Variants in PGP observed in about 807,000 individuals in gnomAD.
PGP encodes aspartate-based ubiquitous Mg(2+)-dependent phosphatase.
In PGP, 9 loss-of-function variants were observed where a neutral mutation model predicts 19.3. That is an observed-to-expected ratio of 0.47 (90% CI 0.28 to 0.81). The LOEUF (loss-of-function observed/expected upper bound fraction) is 0.81. Ranked by LOEUF, PGP falls within the 40% of genes least tolerant of loss-of-function variation. The pLI, the probability that PGP is intolerant of heterozygous loss-of-function variation, is 0.11. For missense variants in PGP, 403 were observed against 479.9 expected, an observed-to-expected ratio of 0.84 and a Z score of 1.50; for synonymous variants, 308 against 226.8, an observed-to-expected ratio of 1.36 and a Z score of -3.22.
In PGP at chr16:2,214,505, C is replaced by G. The variant is rs1317051459; in HGVS notation, c.273G>C (p.Gly91=). 5 of 1,419,846 alleles carry G rather than the reference C, an allele frequency of 3.5e-6. No homozygotes were observed. The East Asian group carries it at 1.5e-4, about 43-fold the overall frequency. The allele number at this position is 1,419,846 out of a possible 1,614,324, so 88.0% of individuals were successfully genotyped here. Reference sequence around the variant, plus strand: ...CGAAGACCTCCAGGCTGGCGCCGGGCCCCGCGGGGCCGCCGAAGCCCAGGC... The same window carrying G: ...CGAAGACCTCCAGGCTGGCGCCGGGGCCCGCGGGGCCGCCGAAGCCCAGGC... ...LRRLGFGGPA[G]PGASLEVFGT... Residue 91 remains glycine (G), a synonymous_variant, in exon 1 of 2, where the codon GGG becomes GGC. Coordinates refer to ENST00000333503, the MANE Select transcript of PGP (RefSeq NM_001042371.3). The surrounding 1 kb of genome is among the most constrained non-coding windows in gnomAD (Gnocchi z 7.1).
At position 2,214,301 on chromosome 16, in the gene PGP, C is replaced by G. The variant is rs2141406804; in HGVS notation, c.477G>C (p.Ala159=). The G allele has an allele frequency of 6.4e-7, 1 of 1,555,560 alleles. No individual in the cohort carries two copies. The highest frequency in any genetic ancestry group is 8.6e-7 in the Non-Finnish European group (1 of 1,158,932). The change falls in exon 1 of 2, where the codon GCG becomes GCC. Residue 159 remains alanine (A), a synonymous_variant. Coordinates refer to ENST00000333503, the MANE Select transcript of PGP (RefSeq NM_001042371.3). This position sits in a 1 kb window ranked among gnomAD's most constrained non-coding sequence, Gnocchi z 7.1. ...CCGCGCGCACGTCGGGCTCCAGCGGCGCGTGCAGCCAGTCGCCGGGACCCT... is the reference window on the plus strand; with the variant it reads ...CCGCGCGCACGTCGGGCTCCAGCGGGGCGTGCAGCCAGTCGCCGGGACCCT... ...QGEGPGDWLH[A]PLEPDVRAVV...
rs1366592165 is a variant in PGP at position 2,214,069 on chromosome 16, G to T, written c.641-16C>A. The T allele has an allele frequency of 6.3e-7, 1 of 1,598,378 alleles. No individual in the cohort carries two copies. On this transcript the variant is annotated splice_polypyrimidine_tract_variant and intron_variant, in intron 1 of 1. Coordinates refer to ENST00000333503, the MANE Select transcript of PGP (RefSeq NM_001042371.3). This position sits in a 1 kb window ranked among gnomAD's most constrained non-coding sequence, Gnocchi z 7.1. ...CACCCGGTACCTGCGGGGCACAGGGGACCGGGTCAAAGGGCAGGGAGGGGG... is the reference window on the plus strand; with the variant it reads ...CACCCGGTACCTGCGGGGCACAGGGTACCGGGTCAAAGGGCAGGGAGGGGG...
Position 2,213,204 on chromosome 16 carries a change from T to C in PGP, c.*524A>G. ...CACCCAAGGGCAGGGAGATGCCACC[T>C]GGGAGCAGCCGCCTCCTCCACTCCC... On this transcript the variant is annotated 3_prime_UTR_variant, in exon 2 of 2. Coordinates refer to ENST00000333503, the MANE Select transcript of PGP (RefSeq NM_001042371.3). 1.0e-6 allele frequency: 1 copy of C among 985,662 alleles called. No homozygotes were observed. The highest frequency in any genetic ancestry group is 1.7e-5 in the African/African-American group (1 of 57,362). 61.1% of individuals were successfully genotyped at this position (985,662 alleles called of 1,614,324 possible). A position where few individuals can be genotyped will look rare whatever the true frequency, so the allele number is the denominator to read the frequency against.
rs2141405412 is a variant in PGP, at chr16:2,213,440, G to A, written c.*288C>T. 1 of 890,968 alleles carries A rather than the reference G, an allele frequency of 1.1e-6. No individual in the cohort carries two copies. The highest frequency in any genetic ancestry group is 1.4e-6 in the Non-Finnish European group (1 of 705,534). 55.2% of individuals were successfully genotyped at this position (890,968 alleles called of 1,614,324 possible). ...TCCCATCGGCAGGCCCTGGTTACCT[G>A]AATCCCGGACAGGTGCAGAGCCTGC... On this transcript the variant is annotated 3_prime_UTR_variant, in exon 2 of 2. Coordinates refer to ENST00000333503, the MANE Select transcript of PGP (RefSeq NM_001042371.3).
At position 2,211,800 on chromosome 16, in the gene PGP, C is replaced by T. The variant is rs1237811913; in HGVS notation, c.*1928G>A. 4 of 985,512 alleles carry T rather than the reference C, an allele frequency of 4.1e-6. No individual in the cohort carries two copies. The African/African-American group carries it at 7.0e-5, about 17-fold the overall frequency. The allele number at this position is 985,512 out of a possible 1,614,324, so 61.0% of individuals were successfully genotyped here. A position where few individuals can be genotyped will look rare whatever the true frequency, so the allele number is the denominator to read the frequency against. ...AGCTTCACTCCAGGGCCCTTTGCTTCCCTGGCTTCCCTTTGTGCCTGGCTT... is the reference window on the plus strand; with the variant it reads ...AGCTTCACTCCAGGGCCCTTTGCTTTCCTGGCTTCCCTTTGTGCCTGGCTT... On this transcript the variant is annotated 3_prime_UTR_variant, in exon 2 of 2. Coordinates refer to ENST00000333503, the MANE Select transcript of PGP (RefSeq NM_001042371.3).
In PGP at chr16:2,214,790, G is replaced by C. The variant is rs1329721832; in HGVS notation, c.-13C>G. On this transcript the variant is annotated 5_prime_UTR_variant, in exon 1 of 2. Transcript: ENST00000333503. The surrounding 1 kb of genome is among the most constrained non-coding windows in gnomAD (Gnocchi z 7.1). ...CCGCCGCCGCCATCGCCGCCCGCCG[G>C]CCGCCGCCGCCCGCCGGCCGCTCCT... The C allele has an allele frequency of 2.2e-6, 2 of 914,540 alleles. No individual in the cohort carries two copies. Among genetic ancestry groups the C allele is most frequent in the Non-Finnish European group, 2.6e-6 (2 of 765,730 alleles). 56.7% of individuals were successfully genotyped at this position (914,540 alleles called of 1,614,324 possible).
In PGP at chr16:2,212,745, T is replaced by C. The variant is rs1178741123; in HGVS notation, c.*983A>G. 5 of 985,276 alleles carry C rather than the reference T, an allele frequency of 5.1e-6. No homozygotes were observed. The highest frequency in any genetic ancestry group is 6.0e-6 in the Non-Finnish European group (5 of 829,896). The allele number at this position is 985,276 out of a possible 1,614,324, so 61.0% of individuals were successfully genotyped here. A position where few individuals can be genotyped will look rare whatever the true frequency, so the allele number is the denominator to read the frequency against. ...TGGCCAACACATGCTTGAGCCGCGC[T>C]GCTGGCTGCAGGGCACCTGGATGAC... On this transcript the variant is annotated 3_prime_UTR_variant, in exon 2 of 2. Coordinates refer to ENST00000333503, the MANE Select transcript of PGP (RefSeq NM_001042371.3).
Position 2,213,819 on chromosome 16 carries a change from T to G in PGP, c.875A>C (p.Asn292Thr). ...CTTAGACACGCAGTCACTTTCCTGA[T>G]TATTCTTCACATCCCCTAGAGTGGA... ...GVSTLGDVKN[N>T]QESDCVSKKK... The change falls in exon 2 of 2, where the codon AAT becomes ACT. Residue 292 changes from asparagine to threonine, a missense_variant. Physicochemically the swap from Asn to Thr is moderately conservative, Grantham distance 65. Coordinates refer to ENST00000333503, the MANE Select transcript of PGP (RefSeq NM_001042371.3). 1.9e-6 allele frequency: 3 copies of G among 1,607,418 alleles called. No individual in the cohort carries two copies. Among genetic ancestry groups the G allele is most frequent in the Non-Finnish European group, 2.6e-6 (3 of 1,174,710 alleles).
Position 2,211,770 on chromosome 16 carries a change from C to T in PGP, c.*1958G>A, listed in dbSNP as rs2093376003. 1 of 985,468 alleles carries T rather than the reference C, an allele frequency of 1.0e-6. No homozygotes were observed. The allele number at this position is 985,468 out of a possible 1,614,324, so 61.0% of individuals were successfully genotyped here. A position where few individuals can be genotyped will look rare whatever the true frequency, so the allele number is the denominator to read the frequency against. On this transcript the variant is annotated 3_prime_UTR_variant, in exon 2 of 2. Transcript: ENST00000333503. The stretch of plus-strand genomic sequence containing the variant: ...GCCCTGGGCGCTCTGACACGGCAGC[C>T]CACCAGCTTCACTCCAGGGCCCTTT...
At position 2,212,742 on chromosome 16, in the gene PGP, C is replaced by A. The variant is rs1251915485; in HGVS notation, c.*986G>T. ...CCTTGGCCAACACATGCTTGAGCCG[C>A]GCTGCTGGCTGCAGGGCACCTGGAT... On this transcript the variant is annotated 3_prime_UTR_variant, in exon 2 of 2. Transcript: ENST00000333503. 2.0e-6 allele frequency: 2 copies of A among 985,438 alleles called. No individual in the cohort carries two copies. The highest frequency in any genetic ancestry group is 2.4e-6 in the Non-Finnish European group (2 of 829,898). 61.0% of individuals were successfully genotyped at this position (985,438 alleles called of 1,614,324 possible). A position where few individuals can be genotyped will look rare whatever the true frequency, so the allele number is the denominator to read the frequency against.
rs2093377734 is a variant in PGP, at chr16:2,212,399, G to C, written c.*1329C>G. On this transcript the variant is annotated 3_prime_UTR_variant, in exon 2 of 2. Coordinates refer to ENST00000333503, the MANE Select transcript of PGP (RefSeq NM_001042371.3). ...AAAGGCGCTGGTAGGGAGCCAGCCA[G>C]AAGGTGCAGCATCCCGGGATGGCCC... 1.0e-6 allele frequency: 1 copy of C among 985,952 alleles called. No homozygotes were observed. Among genetic ancestry groups the C allele is most frequent in the Non-Finnish European group, 1.2e-6 (1 of 830,164 alleles). 61.1% of individuals were successfully genotyped at this position (985,952 alleles called of 1,614,324 possible). A position where few individuals can be genotyped will look rare whatever the true frequency, so the allele number is the denominator to read the frequency against.
At position 2,213,833 on chromosome 16, in the gene PGP, C is replaced by G; in HGVS notation, c.861G>C (p.Gly287=). 1 of 1,611,538 alleles carries G rather than the reference C, an allele frequency of 6.2e-7. No homozygotes were observed. Among genetic ancestry groups the G allele is most frequent in the East Asian group, 2.2e-5 (1 of 44,780 alleles). The change falls in exon 2 of 2, where the codon GGG becomes GGC. Residue 287 remains glycine, a synonymous_variant. Coordinates refer to ENST00000333503, the MANE Select transcript of PGP (RefSeq NM_001042371.3). The part of the protein sequence containing the change: ...ILTLTGVSTL[G]DVKNNQESDC... ...CACTTTCCTGATTATTCTTCACATC[C>G]CCTAGAGTGGAGACTCCGGTGAGGG...
rs1430642355 is a variant in PGP at position 2,214,602 on chromosome 16, C to T, written c.176G>A (p.Arg59His). ...APEALRALRA[R>H]GKRLGFITNN... ...GGTGATGAAGCCCAGGCGCTTGCCG[C>T]GGGCTCGCAGCGCCCGCAGGGCCTC... is the stretch of plus-strand genomic sequence containing the variant. The change falls in exon 1 of 2, where the codon CGC becomes CAC. Residue 59 changes from arginine (R) to histidine (H), a missense_variant. Coordinates refer to ENST00000333503, the MANE Select transcript of PGP (RefSeq NM_001042371.3). This position sits in a 1 kb window ranked among gnomAD's most constrained non-coding sequence, Gnocchi z 7.1. 8 of 1,465,796 alleles carry T rather than the reference C, an allele frequency of 5.5e-6. No homozygotes were observed. The highest frequency in any genetic ancestry group is 4.4e-5 in the African/African-American group (3 of 67,888). The allele number at this position is 1,465,796 out of a possible 1,614,324, so 90.8% of individuals were successfully genotyped here.
Position 2,214,624 on chromosome 16 carries a change from C to A in PGP, c.154G>T (p.Ala52Ser). ...GETAVPGAPE[A>S]LRALRARGKR... ...CCGCGGGCTCGCAGCGCCCGCAGGG[C>A]CTCGGGCGCGCCAGGCACGGCGGTC... is the stretch of plus-strand genomic sequence containing the variant. The change falls in exon 1 of 2, where the codon GCC becomes TCC. Residue 52 changes from alanine to serine, a missense_variant. By Grantham distance (99) the Ala-to-Ser change is moderately conservative (BLOSUM62 1). Transcript: ENST00000333503. This position sits in a 1 kb window ranked among gnomAD's most constrained non-coding sequence, Gnocchi z 7.1. 6.9e-7 allele frequency: 1 copy of A among 1,451,172 alleles called. No homozygotes were observed. Among genetic ancestry groups the A allele is most frequent in the African/African-American group, 1.5e-5 (1 of 67,636 alleles). 89.9% of individuals were successfully genotyped at this position (1,451,172 alleles called of 1,614,324 possible).
Position 2,213,322 on chromosome 16 carries a change from C to T in PGP, c.*406G>A, listed in dbSNP as rs2093380076. On this transcript the variant is annotated 3_prime_UTR_variant, in exon 2 of 2. Coordinates refer to ENST00000333503, the MANE Select transcript of PGP (RefSeq NM_001042371.3). ...GTCCATGCAAGCCTCTCCCAACAGT[C>T]AGAATAATCAGTCCCTCTGCCCCCT... is the stretch of plus-strand genomic sequence containing the variant. The T allele has an allele frequency of 1.0e-6, 1 of 989,436 alleles. No individual in the cohort carries two copies. Among genetic ancestry groups the T allele is most frequent in the Non-Finnish European group, 1.2e-6 (1 of 832,460 alleles). 61.3% of individuals were successfully genotyped at this position (989,436 alleles called of 1,614,324 possible).
At position 2,213,572 on chromosome 16, in the gene PGP, T is replaced by C. The variant is rs1220804921; in HGVS notation, c.*156A>G. 1.2e-5 allele frequency: 9 copies of C among 740,860 alleles called. No individual in the cohort carries two copies. Among genetic ancestry groups the C allele is most frequent in the Non-Finnish European group, 1.4e-5 (7 of 505,660 alleles). 45.9% of individuals were successfully genotyped at this position (740,860 alleles called of 1,614,324 possible). A position where few individuals can be genotyped will look rare whatever the true frequency, so the allele number is the denominator to read the frequency against. On this transcript the variant is annotated 3_prime_UTR_variant, in exon 2 of 2. Coordinates refer to ENST00000333503, the MANE Select transcript of PGP (RefSeq NM_001042371.3). ...TGTAAACAAAATCGTCCCCCAAACGTGTACTTACAAGGTTAACAATGAATG... is the reference window on the plus strand; with the variant it reads ...TGTAAACAAAATCGTCCCCCAAACGCGTACTTACAAGGTTAACAATGAATG...
rs1217841868 is a variant in PGP at position 2,212,544 on chromosome 16, GAA to G, written c.*1182_*1183del. The G allele has an allele frequency of 2.0e-6, 2 of 985,424 alleles. No individual in the cohort carries two copies. Among genetic ancestry groups the G allele is most frequent in the Non-Finnish European group, 2.4e-6 (2 of 829,984 alleles). The allele number at this position is 985,424 out of a possible 1,614,324, so 61.0% of individuals were successfully genotyped here. A position where few individuals can be genotyped will look rare whatever the true frequency, so the allele number is the denominator to read the frequency against. ...GCCCTGCCAAGTCCTGCTGGCCACT[GAA>G]GAGGGAATCCAGGGCAAGGCAGGTG... On this transcript the variant is annotated 3_prime_UTR_variant, in exon 2 of 2. Coordinates refer to ENST00000333503, the MANE Select transcript of PGP (RefSeq NM_001042371.3).
In PGP at chr16:2,213,833, C is replaced by T. The variant is rs1224928156; in HGVS notation, c.861G>A (p.Gly287=). 1.9e-6 allele frequency: 3 copies of T among 1,611,420 alleles called. No homozygotes were observed. Among genetic ancestry groups the T allele is most frequent in the Middle Eastern group, 1.6e-4 (1 of 6,078 alleles). Residue 287 remains glycine (G), a synonymous_variant, in exon 2 of 2, where the codon GGG becomes GGA. Transcript: ENST00000333503. ...ILTLTGVSTL[G]DVKNNQESDC... ...CACTTTCCTGATTATTCTTCACATC[C>T]CCTAGAGTGGAGACTCCGGTGAGGG...
rs1046985940 is a variant in PGP at position 2,214,655 on chromosome 16, G to A, written c.123C>T (p.Arg41=). 8 of 1,444,856 alleles carry A rather than the reference G, an allele frequency of 5.5e-6. No homozygotes were observed. The highest frequency in any genetic ancestry group is 7.3e-6 in the Non-Finnish European group (8 of 1,100,840). 89.5% of individuals were successfully genotyped at this position (1,444,856 alleles called of 1,614,324 possible). Residue 41 remains arginine (R), a synonymous_variant, in exon 1 of 2, where the codon CGC becomes CGT. Coordinates refer to ENST00000333503, the MANE Select transcript of PGP (RefSeq NM_001042371.3). The surrounding 1 kb of genome is among the most constrained non-coding windows in gnomAD (Gnocchi z 7.1). The stretch of plus-strand genomic sequence containing the variant: ...GCGCGCCAGGCACGGCGGTCTCCCC[G>A]CGCCACAGCACGCCGTCGCAGTCGA... ...LLFDCDGVLW[R]GETAVPGAPE...
Sources: allele counts gnomAD v4.1 joint callset, GRCh38; gene constraint gnomAD v4.1.1; non-coding constraint Gnocchi (gnomAD v3.1); transcripts MANE v1.5; gene names NCBI Gene and HGNC (gene_info 2026-07-23, HGNC 2026-07-21).